Variants in TDRD5 observed in about 807,000 individuals in gnomAD.
TDRD5 encodes the protein tudor domain containing 5, also known as tudor domain-containing protein 5.
In TDRD5, 41 loss-of-function variants were observed where a neutral mutation model predicts 120.6. That is an observed-to-expected ratio of 0.34 (90% CI 0.26 to 0.44). The LOEUF (loss-of-function observed/expected upper bound fraction) is 0.44, where lower values mean the gene tolerates loss of function less well. Among genes scored for constraint, TDRD5 ranks in the 20% least tolerant of loss-of-function variants. TDRD5 has a pLI of 1.00. For synonymous variants in TDRD5, 430 were observed against 433.7 expected, an observed-to-expected ratio of 0.99 and a Z score of 0.11; for missense variants, 1,006 against 1,221.2, an observed-to-expected ratio of 0.82 and a Z score of 2.63.
intron 17 of TDRD5, among the ~76,000 whole-genome samples, chr1:179,681,542 A>G (rs748689323): frequency 3.3e-5 from 5 of 152,134 alleles, no homozygotes; most frequent in African/African-American, 4.8e-5. Flanking sequence ...AGTGTTCTTC[A>G]TTCCAGTGTA....
At chr1:179,626,821 A>G (rs1235790696) in intron 6 of TDRD5, among the ~76,000 whole-genome samples, 1 of 152,218 alleles carries the variant, frequency 6.6e-6, no homozygotes. Flanking sequence ...TAAACAGGCA[A>G]AGAAGAGCCA....
At chr1:179,676,342 A>G (rs1003307076) in intron 17 of TDRD5, among the ~76,000 whole-genome samples, 1 of 152,176 alleles carries the variant, frequency 6.6e-6, no homozygotes, top group Admixed American at 6.5e-5. Context: ...CATTGAGGCC[A>G]TTTACATTCA....
At chr1:179,673,063 T>C (rs1043173892) in intron 17 of TDRD5, among the ~76,000 whole-genome samples, 5 of 152,194 alleles carry the variant, frequency 3.3e-5, no homozygotes, top group African/African-American at 1.2e-4. Context: ...TGCTTAGTCT[T>C]GTTTTGGCTA....
intron 4 of TDRD5, among the ~76,000 whole-genome samples, chr1:179,597,948 G>A (rs1437303156): frequency 6.6e-6 from 1 of 152,046 alleles, no homozygotes; most frequent in African/African-American, 2.4e-5. Context: ...TAATATCTTT[G>A]TCATATATAG....
intron 17 of TDRD5, among the ~76,000 whole-genome samples, chr1:179,677,424 C>T (rs553989324): frequency 6.6e-6 from 1 of 151,906 alleles, no homozygotes; most frequent in African/African-American, 2.4e-5. Flanking sequence ...TGTTAAAGAA[C>T]CTTATTTTGT....
intron 17 of TDRD5, among the ~76,000 whole-genome samples, chr1:179,674,497 G>GT (rs879324089): frequency 2.0e-3 from 307 of 151,410 alleles, no homozygotes; most frequent in Admixed American, 7.9e-3. Context: ...TTGGTCTGTA[G>GT]TTTTTTTTTG....
intron 4 of TDRD5, among the ~76,000 whole-genome samples, chr1:179,612,149 T>C (rs533827171): frequency 6.6e-6 from 1 of 152,344 alleles, no homozygotes; most frequent in East Asian, 1.9e-4. Flanking sequence ...GTATCTTTTG[T>C]TCTTCCAAAG....
At chr1:179,648,529 G>T (rs1467549635) in intron 11 of TDRD5, among the ~76,000 whole-genome samples, 1 of 147,542 alleles carries the variant, frequency 6.8e-6, no homozygotes, top group Non-Finnish European at 1.5e-5. Context: ...CACCAGCATG[G>T]CACATGTATA....
chr1:179,663,580 T>G, intron 16 of TDRD5, 89 bp downstream of exon 16: 3 of 1,487,210 alleles, frequency 2.0e-6, no homozygotes, highest in Non-Finnish European at 2.7e-6. Flanking sequence ...TTTACATATT[T>G]TGATATTGCC....
rs35980053 is a variant in TDRD5, at chr1:179,612,935, CAAA to C, written c.832-5645_832-5643del. Among the ~76,000 whole-genome samples, 644 of 88,434 alleles carry C rather than the reference CAAA, an allele frequency of 7.3e-3. 6 individuals are homozygous for C. Among genetic ancestry groups the C allele is most frequent in the African/African-American group, 0.014 (344 of 24,238 alleles). The allele number at this position is 88,434 out of a possible 152,430, so 58.0% of individuals were successfully genotyped here. The stretch of plus-strand genomic sequence containing the variant: ...TGGGTGACAGAGTGAGACTTTGTCT[CAAA>C]AAAAAAAAAAAAAAAAAAGAGTACC... On this transcript the variant is annotated intron_variant, in intron 4 of 17. Transcript: ENST00000444136.
intron 14 of TDRD5, among the ~76,000 whole-genome samples, chr1:179,660,667 A>ACACC (rs1679264984): frequency 1.3e-5 from 2 of 151,840 alleles, no homozygotes; most frequent in Admixed American, 1.3e-4. Flanking sequence ...TCCTTGTCTT[A>ACACC]TATATTACAC....
At chr1:179,677,697 A>C (rs1251220227) in intron 17 of TDRD5, among the ~76,000 whole-genome samples, 1 of 152,154 alleles carries the variant, frequency 6.6e-6, no homozygotes, top group Non-Finnish European at 1.5e-5. Context: ...GAGTCTTGTG[A>C]TGTGATCCAT....
intron 4 of TDRD5, among the ~76,000 whole-genome samples, chr1:179,608,146 C>G (rs183406434): frequency 6.6e-6 from 1 of 152,076 alleles, no homozygotes; most frequent in Non-Finnish European, 1.5e-5. Context: ...CTGACAATGT[C>G]TGTAATAATT....
intron 13 of TDRD5, 138 bp from the exon 14 acceptor site, chr1:179,654,063 G>C: frequency 1.5e-6 from 1 of 647,182 alleles, no homozygotes; most frequent in Non-Finnish European, 2.4e-6. Context: ...GAAGACCTAG[G>C]ATCATGGATA....
intron 11 of TDRD5, among the ~76,000 whole-genome samples, chr1:179,643,867 A>T (rs1678192188): frequency 6.6e-6 from 1 of 152,170 alleles, no homozygotes; most frequent in Non-Finnish European, 1.5e-5. Context: ...AGCAGAATAA[A>T]TACAAAGAAA....
At chr1:179,603,535 A>G (rs1675824168) in intron 4 of TDRD5, among the ~76,000 whole-genome samples, 1 of 152,080 alleles carries the variant, frequency 6.6e-6, no homozygotes. Flanking sequence ...CTTTTATTAC[A>G]TTGAGCTATG....
chr1:179,611,485 C>G (rs1170382629), intron 4 of TDRD5, among the ~76,000 whole-genome samples: 1 of 152,092 alleles, frequency 6.6e-6, no homozygotes, highest in Non-Finnish European at 1.5e-5. Flanking sequence ...ATAGGTTTTC[C>G]AAGTAGACTA....
rs377114250 is a variant in TDRD5, at chr1:179,690,676, G to C, written c.2861-20G>C. 2.2e-5 allele frequency: 36 copies of C among 1,608,920 alleles called. No individual in the cohort carries two copies. Among genetic ancestry groups the C allele is most frequent in the Non-Finnish European group, 3.0e-5 (35 of 1,177,206 alleles). On this transcript the variant is annotated intron_variant, in intron 17 of 17. Coordinates refer to ENST00000444136, the MANE Select transcript of TDRD5 (RefSeq NM_001199085.3). ...ATGAGTACCCCTTGAAAAGATGTTT[G>C]TGTACTCTTTCTTTTCCAGTGGAAA... is the stretch of plus-strand genomic sequence containing the variant.
intron 14 of TDRD5, among the ~76,000 whole-genome samples, chr1:179,660,211 GTTTTTTTTTT>G (rs34435630): frequency 8.6e-5 from 5 of 58,172 alleles, no homozygotes; most frequent in Non-Finnish European, 1.5e-4. Context: ...ATCTACTATG[GTTTTTTTTTT>G]TTTTTTTTTT....
Sources: allele counts gnomAD v4.1 joint callset (sites outside exome capture counted in the v4.1 genomes callset), GRCh38; gene constraint gnomAD v4.1.1; transcripts MANE v1.5; gene names NCBI Gene and HGNC (gene_info 2026-07-23, HGNC 2026-07-21).